Variants in RAB38 observed in about 807,000 individuals in gnomAD.
RAB38 encodes RAB38, member RAS oncogene family.
A neutral mutation model predicts 18.4 loss-of-function variants in RAB38; 15 were observed. That is an observed-to-expected ratio of 0.82 (90% CI 0.55 to 1.26). The LOEUF is 1.26. Among genes scored for constraint, RAB38 ranks in the 50% most tolerant of loss-of-function variants. RAB38 has a pLI of 0.00. For missense variants in RAB38, 294 were observed against 267.4 expected (o/e 1.10, Z -0.69); for synonymous variants, 101 against 104.4 (o/e 0.97, Z 0.20).
At chr11:87,954,973 T>TATAC in the RAB38 span, among the ~76,000 whole-genome samples, 1 of 152,168 alleles carries the variant, frequency 6.6e-6, no homozygotes, top group African/African-American at 2.4e-5. Context: ...TTGCATCATA[T>TATAC]ATACTAAGTA....
chr11:88,148,506 C>G (rs1943020332), intron 2 of RAB38, among the ~76,000 whole-genome samples: 5 of 152,168 alleles, frequency 3.3e-5, no homozygotes, highest in Admixed American at 3.3e-4. Context: ...CACTGCCCTC[C>G]AATCCGTCTT....
intron 2 of RAB38, among the ~76,000 whole-genome samples, chr11:88,129,512 G>A (rs1008587290): frequency 1.3e-5 from 2 of 152,098 alleles, no homozygotes; most frequent in East Asian, 3.9e-4. Context: ...ATGGTGGCAT[G>A]TGCGTGTAAA....
chr11:88,056,859 A>C, the RAB38 span, among the ~76,000 whole-genome samples: 1 of 151,972 alleles, frequency 6.6e-6, no homozygotes, highest in Admixed American at 6.6e-5. Context: ...ATACATACAT[A>C]CATAAAATTG....
the RAB38 span, among the ~76,000 whole-genome samples, chr11:88,033,720 G>C: frequency 4.9e-5 from 6 of 122,670 alleles, no homozygotes; most frequent in South Asian, 1.6e-3. Context: ...GATCTGTTGT[G>C]TTGCCTTTTT....
chr11:88,101,623 T>C, the RAB38 span, among the ~76,000 whole-genome samples: 1 of 151,870 alleles, frequency 6.6e-6, no homozygotes, highest in South Asian at 2.1e-4. Context: ...GCATTCATTT[T>C]ATGTATTTTA....
At chr11:88,102,026 C>G in the RAB38 span, among the ~76,000 whole-genome samples, 1 of 151,872 alleles carries the variant, frequency 6.6e-6, no homozygotes, top group African/African-American at 2.4e-5. Flanking sequence ...ATGGTACGCA[C>G]AAGTAAAGCT....
At chr11:87,954,438 G>C in the RAB38 span, among the ~76,000 whole-genome samples, 3 of 152,084 alleles carry the variant, frequency 2.0e-5, no homozygotes, top group African/African-American at 7.2e-5. Flanking sequence ...GGTCTTCAGG[G>C]AATTTGTGTG....
chr11:87,817,866 T>A, the RAB38 span, among the ~76,000 whole-genome samples: 307 of 152,226 alleles, frequency 2.0e-3, 1 homozygote, highest in African/African-American at 7.0e-3. Flanking sequence ...GGCAAAAAGA[T>A]GAACTATTAA....
At chr11:88,009,874 A>T in the RAB38 span, among the ~76,000 whole-genome samples, 6 of 152,292 alleles carry the variant, frequency 3.9e-5, no homozygotes, top group Admixed American at 3.3e-4. Context: ...AACCATAAGT[A>T]TCTTGGATTT....
chr11:87,940,552 G>A, the RAB38 span, among the ~76,000 whole-genome samples: 16 of 151,476 alleles, frequency 1.1e-4, no homozygotes, highest in South Asian at 2.5e-3. Context: ...TTGTCAAAAG[G>A]GTTTTATACA....
the RAB38 span, among the ~76,000 whole-genome samples, chr11:87,899,637 AAAGAT>A: frequency 2.0e-5 from 3 of 151,614 alleles, no homozygotes; most frequent in African/African-American, 7.3e-5. Context: ...CCAATGTCCT[AAAGAT>A]AGAAATATGA....
chr11:87,818,589 A>C, the RAB38 span, among the ~76,000 whole-genome samples: 3 of 152,156 alleles, frequency 2.0e-5, no homozygotes, highest in African/African-American at 7.2e-5. Flanking sequence ...CTCAAATAGA[A>C]ATTTTTAATT....
the RAB38 span, among the ~76,000 whole-genome samples, chr11:88,010,722 T>TA: frequency 6.6e-6 from 1 of 152,178 alleles, no homozygotes; most frequent in African/African-American, 2.4e-5. Context: ...ATCCTGCAAA[T>TA]ACTGTTATTC....
chr11:88,053,093 AT>A, the RAB38 span, among the ~76,000 whole-genome samples: 1 of 134,660 alleles, frequency 7.4e-6, no homozygotes, highest in African/African-American at 2.8e-5. Flanking sequence ...TGGAATATAT[AT>A]TATATATATA....
At chr11:88,024,815 T>C in the RAB38 span, among the ~76,000 whole-genome samples, 3 of 151,996 alleles carry the variant, frequency 2.0e-5, no homozygotes, top group African/African-American at 4.8e-5. Context: ...ATCAAAACGA[T>C]TGAACTCATG....
At chr11:87,951,291 T>C in the RAB38 span, among the ~76,000 whole-genome samples, 1 of 152,116 alleles carries the variant, frequency 6.6e-6, no homozygotes, top group African/African-American at 2.4e-5. Context: ...TTATCCATTC[T>C]TCTAATTTTT....
At chr11:87,952,654 T>C in the RAB38 span, among the ~76,000 whole-genome samples, 14 of 152,308 alleles carry the variant, frequency 9.2e-5, no homozygotes, top group African/African-American at 3.1e-4. Flanking sequence ...GGTTCAGTAC[T>C]ATGCATGGTT....
the RAB38 span, among the ~76,000 whole-genome samples, chr11:88,099,350 G>A: frequency 1.1e-5 from 1 of 91,028 alleles, no homozygotes; most frequent in Non-Finnish European, 2.0e-5. Context: ...CCCTTTCCTT[G>A]TTATGTTATT....
the RAB38 span, among the ~76,000 whole-genome samples, chr11:87,842,717 T>C: frequency 6.6e-6 from 1 of 151,906 alleles, no homozygotes; most frequent in East Asian, 1.9e-4. Context: ...AAAGACTACC[T>C]CAGAATACAC....
Sources: allele counts gnomAD v4.1 joint callset (sites outside exome capture counted in the v4.1 genomes callset), GRCh38; gene constraint gnomAD v4.1.1; transcripts MANE v1.5; gene names NCBI Gene and HGNC (gene_info 2026-07-23, HGNC 2026-07-21).